Variants in MIDEAS observed in about 807,000 individuals in gnomAD.
MIDEAS encodes mitotic deacetylase associated SANT domain protein, also known as mitotic deacetylase-associated SANT domain protein.
MIDEAS carries 26 observed loss-of-function variants against 102.7 expected under a neutral mutation model. The ratio of observed to expected loss-of-function variants is 0.25; its 90% CI spans 0.19 to 0.35. The LOEUF (loss-of-function observed/expected upper bound fraction) is 0.35. Ranked by LOEUF, MIDEAS falls within the 10% of genes least tolerant of loss-of-function variation. The probability of loss-of-function intolerance (pLI) is 1.00; values close to 1 mark genes in which losing one functional copy is unlikely to be tolerated. For missense variants in MIDEAS, 1,231 were observed against 1,435.6 expected (o/e 0.86, Z 2.30); for synonymous variants, 585 against 591.0 (o/e 0.99, Z 0.15).
At chr14:73,775,453 C>G (rs1354173879) in intron 1 of MIDEAS, among the ~76,000 whole-genome samples, 1 of 152,016 alleles carries the variant, frequency 6.6e-6, no homozygotes, top group African/African-American at 2.4e-5. Flanking sequence ...TCAGTGTAAA[C>G]TAGGCCAGAA....
chr14:73,729,712 T>A lies in MIDEAS; in HGVS notation c.2023A>T (p.Ile675Leu), dbSNP rs762197990. ...GGGGCAGGGATGGTGCTGGTTGATATGATGGCATTGAAGTAGAGGCCAGAG... is the reference window on the plus strand; with the variant it reads ...GGGGCAGGGATGGTGCTGGTTGATAAGATGGCATTGAAGTAGAGGCCAGAG... Reference protein sequence around the residue: ...EGSGLYFNAIISTSTIPAPPP... With the variant: ...EGSGLYFNAILSTSTIPAPPP... The change falls in exon 4 of 13, where the codon ATA becomes TTA. Residue 675 changes from isoleucine to leucine, a missense_variant. This residue lies in a region of MIDEAS where 391 missense variants were observed against 483.0 expected (regional missense o/e 0.81). Coordinates refer to ENST00000423556, the MANE Select transcript of MIDEAS (RefSeq NM_001367710.1). The A allele has an allele frequency of 6.2e-7, 1 of 1,613,984 alleles. No individual in the cohort carries two copies. The highest frequency in any genetic ancestry group is 8.5e-7 in the Non-Finnish European group (1 of 1,180,038).
At chr14:73,743,297 C>T (rs2053306060) in intron 1 of MIDEAS, among the ~76,000 whole-genome samples, 2 of 152,182 alleles carry the variant, frequency 1.3e-5, no homozygotes, top group African/African-American at 4.8e-5. Context: ...TACTCTCTCC[C>T]ATTCTCCCCA....
Position 73,721,763 on chromosome 14 carries a change from T to C in MIDEAS, c.2725-254A>G, listed in dbSNP as rs573282126. 139 of 431,758 alleles carry C rather than the reference T, an allele frequency of 3.2e-4. 6 individuals are homozygous for C. The South Asian group carries it at 4.6e-3, about 14-fold the overall frequency. 26.7% of individuals were successfully genotyped at this position (431,758 alleles called of 1,614,324 possible). On this transcript the variant is annotated intron_variant, in intron 10 of 12. Transcript: ENST00000423556. ...GAGGGTACATACCAGTCACTCCCCA[T>C]TGCCACCCATCCTCCTGGACAGATG...
intron 1 of MIDEAS, among the ~76,000 whole-genome samples, chr14:73,751,785 A>G (rs2053423325): frequency 6.6e-6 from 1 of 152,178 alleles, no homozygotes; most frequent in South Asian, 2.1e-4. Flanking sequence ...CTGTAATCCC[A>G]GCTACTCGGG....
intron 10 of MIDEAS, among the ~76,000 whole-genome samples, chr14:73,721,881 A>C (rs1406578145): frequency 6.6e-6 from 1 of 152,144 alleles, no homozygotes; most frequent in African/African-American, 2.4e-5. Flanking sequence ...CTGTAGCTCT[A>C]CTACCTTCCT....
chr14:73,770,810 A>C (rs1479464857), intron 1 of MIDEAS, among the ~76,000 whole-genome samples: 1 of 152,134 alleles, frequency 6.6e-6, no homozygotes, highest in East Asian at 1.9e-4. Context: ...CAAAAAACCG[A>C]GCTGCTGACA....
intron 1 of MIDEAS, among the ~76,000 whole-genome samples, chr14:73,768,332 T>C (rs980308709): frequency 6.6e-6 from 1 of 152,132 alleles, no homozygotes; most frequent in Non-Finnish European, 1.5e-5. Context: ...ATTTGACCTC[T>C]GGACCCTCTG....
intron 1 of MIDEAS, among the ~76,000 whole-genome samples, chr14:73,756,295 T>TATGTGTGCGCGCGC (rs1555344811): frequency 7.8e-6 from 1 of 127,626 alleles, no homozygotes; most frequent in African/African-American, 2.7e-5. Context: ...TGTGTGTGTG[T>TATGTGTGCGCGCGC]GCGCGCGCGC....
Position 73,737,179 on chromosome 14 carries a change from A to G in MIDEAS, c.1568T>C (p.Val523Ala), listed in dbSNP as rs1283356684. 6.2e-7 allele frequency: 1 copy of G among 1,614,076 alleles called. No individual in the cohort carries two copies. Among genetic ancestry groups the G allele is most frequent in the Middle Eastern group, 1.6e-4 (1 of 6,062 alleles). ...TKRAREDSGM[V>A]PLIIPVSVPV... The stretch of plus-strand genomic sequence containing the variant: ...CACAGACACTGGGATGATGAGGGGT[A>G]CCATCCCACTGTCTTCTCGTGCTCG... Residue 523 changes from valine to alanine, a missense_variant, in exon 3 of 13, where the codon GTA becomes GCA. By Grantham distance (64) the Val-to-Ala change is moderately conservative. Coordinates refer to ENST00000423556, the MANE Select transcript of MIDEAS (RefSeq NM_001367710.1).
At chr14:73,761,697 C>T (rs60551928), upstream of MIDEAS, among the ~76,000 whole-genome samples, 908 of 152,284 alleles carry the variant, frequency 6.0e-3, 16 homozygotes, top group African/African-American at 0.021. Context: ...GCCCGGGCTC[C>T]CCGATTTAGC....
rs757507118 is a variant in MIDEAS, at chr14:73,739,212, G to T, written c.797C>A (p.Pro266His). ...GAAGTTCTCAAAGAGCGGCATCTGG[G>T]GTAGGGCTGCCTGCTGCTGCTGCTG... ...QQQQQQQAAL[P>H]QMPLFENFYS... is the part of the protein sequence containing the mutation. The change falls in exon 2 of 13, where the codon CCC becomes CAC. Residue 266 changes from proline to histidine, a missense_variant. Coordinates refer to ENST00000423556, the MANE Select transcript of MIDEAS (RefSeq NM_001367710.1). 20 of 1,613,540 alleles carry T rather than the reference G, an allele frequency of 1.2e-5. 1 individual carries two copies. Among genetic ancestry groups the T allele is most frequent in the Non-Finnish European group, 1.4e-5 (17 of 1,179,964 alleles).
Position 73,748,628 on chromosome 14 carries a change from A to G in MIDEAS, c.-247-8373T>C, listed in dbSNP as rs1180351873. On this transcript the variant is annotated intron_variant, in intron 1 of 12. Transcript: ENST00000423556. ...TGGCTATACTAATATCAGACAAAAT[A>G]TGTGGTGGCAGGCACCTGTAATCGC... is the stretch of plus-strand genomic sequence containing the variant. Among the ~76,000 whole-genome samples, 11 of 151,580 alleles carry G rather than the reference A, an allele frequency of 7.3e-5. No individual in the cohort carries two copies. The East Asian group carries it at 2.1e-3, about 29-fold the overall frequency.
At position 73,776,168 on chromosome 14, in the gene MIDEAS, G is replaced by A. The variant is rs147174328; in HGVS notation, c.-248+10934C>T. ...GCCTGTTGGAGAGAGCCAACCCTCGGCCTCTGTCCTCGAAAGGCAGCACCA... is the reference window on the plus strand; with the variant it reads ...GCCTGTTGGAGAGAGCCAACCCTCGACCTCTGTCCTCGAAAGGCAGCACCA... On this transcript the variant is annotated intron_variant, in intron 1 of 11. Transcript: ENST00000394071. Among the ~76,000 whole-genome samples, 23 of 152,102 alleles carry A rather than the reference G, an allele frequency of 1.5e-4. 1 individual carries two copies. In the East Asian group the frequency reaches 3.7e-3, roughly 24 times the overall value.
chr14:73,735,279 A>T (rs948596982), intron 3 of MIDEAS, among the ~76,000 whole-genome samples: 3 of 152,260 alleles, frequency 2.0e-5, no homozygotes, highest in African/African-American at 7.2e-5. Context: ...AAAAAATAAG[A>T]TTTGAGGTAA....
In MIDEAS at chr14:73,740,064, T is replaced by G; in HGVS notation, c.-56A>C. The G allele has an allele frequency of 7.1e-7, 1 of 1,416,710 alleles. No homozygotes were observed. Among genetic ancestry groups the G allele is most frequent in the Non-Finnish European group, 9.2e-7 (1 of 1,083,698 alleles). 87.8% of individuals were successfully genotyped at this position (1,416,710 alleles called of 1,614,324 possible). A position where few individuals can be genotyped will look rare whatever the true frequency, so the allele number is the denominator to read the frequency against. The stretch of plus-strand genomic sequence containing the variant: ...TCCCCTTCAACAGTCGCCCATCCCC[T>G]GGGGAAACGTCCTGCTGGAAGCCGG... On this transcript the variant is annotated 5_prime_UTR_variant, in exon 2 of 13. Coordinates refer to ENST00000423556, the MANE Select transcript of MIDEAS (RefSeq NM_001367710.1).
rs1057347578 is a variant in MIDEAS at position 73,725,818 on chromosome 14, C to G, written c.2485+215G>C. ...GCTTTTTTGCCTGGATGGTCTCCCA[C>G]CTGCCCACTCCCTTCTCCCCTCCCC... On this transcript the variant is annotated intron_variant, in intron 8 of 12. Transcript: ENST00000423556. The surrounding 1 kb of genome is among the most constrained non-coding windows in gnomAD (Gnocchi z 4.1). Among the ~76,000 whole-genome samples the G allele has an allele frequency of 6.6e-6, 1 of 152,164 alleles. No individual in the cohort carries two copies. Among genetic ancestry groups the G allele is most frequent in the Non-Finnish European group, 1.5e-5 (1 of 68,020 alleles).
intron 1 of MIDEAS, among the ~76,000 whole-genome samples, chr14:73,754,326 T>C (rs1207430187): frequency 6.6e-6 from 1 of 152,220 alleles, no homozygotes; most frequent in East Asian, 1.9e-4. Flanking sequence ...TGTGGGTACT[T>C]CTGCTTTCAC....
At chr14:73,764,728 C>T (rs1410684401), upstream of MIDEAS, among the ~76,000 whole-genome samples, 1 of 152,210 alleles carries the variant, frequency 6.6e-6, no homozygotes, top group East Asian at 1.9e-4. Flanking sequence ...GGAAAAAACC[C>T]CAGGGGACCC....
At chr14:73,770,658 ATGAC>A (rs1199239143) in intron 1 of MIDEAS, among the ~76,000 whole-genome samples, 20 of 152,190 alleles carry the variant, frequency 1.3e-4, no homozygotes, top group South Asian at 2.1e-4. Context: ...GGTACTAACT[ATGAC>A]TGCTGCATTT....
Sources: gnomAD v4.1 joint callset for allele counts (sites outside exome capture counted in the v4.1 genomes callset) on GRCh38, gnomAD v4.1.1 for gene constraint, gnomAD v4.1.1 regional missense constraint, Gnocchi (gnomAD v3.1) non-coding constraint, MANE v1.5 for transcripts, NCBI Gene and HGNC (gene_info 2026-07-23, HGNC 2026-07-21) for gene names.